CFAP299: variants seen among roughly 807,000 people sequenced by gnomAD.
The protein encoded by CFAP299 is cilia and flagella associated protein 299, also known as cilia- and flagella-associated protein 299.
CFAP299 carries 21 observed loss-of-function variants against 27.0 expected under a neutral mutation model. The observed-to-expected ratio is 0.78, with a 90% CI of 0.55 to 1.12. The LOEUF is 1.12. Among genes scored for constraint, CFAP299 ranks in the 50% most tolerant of loss-of-function variants. CFAP299 has a pLI of 0.00. For synonymous variants in CFAP299, 104 were observed against 98.1 expected, an observed-to-expected ratio of 1.06 and a Z score of -0.36; for missense variants, 310 against 276.6, an observed-to-expected ratio of 1.12 and a Z score of -0.86.
chr4:80,653,172 A>G (rs1022873512), intron 3 of CFAP299, among the ~76,000 whole-genome samples: 3 of 152,160 alleles, frequency 2.0e-5, no homozygotes, highest in African/African-American at 7.2e-5. Flanking sequence ...AACTGAATGC[A>G]TAGTTTTTCA....
At chr4:80,622,949 G>A (rs1738682719) in intron 3 of CFAP299, among the ~76,000 whole-genome samples, 1 of 152,178 alleles carries the variant, frequency 6.6e-6, no homozygotes, top group Non-Finnish European at 1.5e-5. Flanking sequence ...TGAGCTTGGG[G>A]CTATGGCTTT....
rs1725403399 is a variant in CFAP299 at position 80,758,926 on chromosome 4, CA to C, written c.334-111062del. 2.0e-5 allele frequency among the ~76,000 whole-genome samples: 3 copies of C among 151,980 alleles called. No individual in the cohort carries two copies. The South Asian group carries it at 6.2e-4, about 32-fold the overall frequency. Reference sequence around the variant, plus strand: ...AAATCCTCTAAATATTAAAATGGCACAAAAATATTATTGATGTTTTCATACT... The same window carrying C: ...AAATCCTCTAAATATTAAAATGGCACAAAATATTATTGATGTTTTCATACT... On this transcript the variant is annotated intron_variant, in intron 3 of 5. Coordinates refer to ENST00000358105, the MANE Select transcript of CFAP299 (RefSeq NM_152770.3).
intron 3 of CFAP299, among the ~76,000 whole-genome samples, chr4:80,657,959 A>C (rs561604491): frequency 6.3e-4 from 96 of 152,008 alleles, no homozygotes; most frequent in Non-Finnish European, 1.3e-3. Flanking sequence ...CCTTTGTAAG[A>C]TGTATGCCTA....
chr4:80,859,608 G>A lies in CFAP299; in HGVS notation c.334-10385G>A, dbSNP rs150380009. Among the ~76,000 whole-genome samples the A allele has an allele frequency of 4.6e-5, 7 of 151,870 alleles. No homozygotes were observed. In the East Asian group the frequency reaches 1.4e-3, roughly 29 times the overall value. On this transcript the variant is annotated intron_variant, in intron 3 of 5. Transcript: ENST00000358105. ...GGAACTCTTTTAGGGCAGGCCTGGT[G>A]GTGACAAATCTCTCAGCATTTGCTT... is the stretch of plus-strand genomic sequence containing the variant.
chr4:80,324,532 G>A, the CFAP299 span, among the ~76,000 whole-genome samples: 1 of 152,154 alleles, frequency 6.6e-6, no homozygotes, highest in Non-Finnish European at 1.5e-5. Context: ...TGATAGGCAT[G>A]CGTCTAGAGT....
intron 5 of CFAP299, among the ~76,000 whole-genome samples, chr4:80,952,888 C>T (rs1429118472): frequency 1.3e-5 from 2 of 152,062 alleles, no homozygotes; most frequent in Non-Finnish European, 2.9e-5. Flanking sequence ...TTTCCCTTGC[C>T]TCCCAGATCC....
intron 2 of CFAP299, among the ~76,000 whole-genome samples, chr4:80,518,462 C>T (rs975469149): frequency 1.3e-5 from 2 of 152,042 alleles, no homozygotes; most frequent in African/African-American, 4.8e-5. Flanking sequence ...TTGCGAGTTC[C>T]GTACAGGAGA....
Position 80,480,778 on chromosome 4 carries a change from T to C in CFAP299, c.243-102315T>C, listed in dbSNP as rs116078373. On this transcript the variant is annotated intron_variant, in intron 2 of 5. Coordinates refer to ENST00000358105, the MANE Select transcript of CFAP299 (RefSeq NM_152770.3). ...ATGTGTTGAAAAATTCCTGAAGTTC[T>C]GGTACTTGATTTTTTCTGATCATTT... 1.8e-3 allele frequency among the ~76,000 whole-genome samples: 276 copies of C among 152,162 alleles called. 1 individual carries two copies. The highest frequency in any genetic ancestry group is 3.3e-3 in the Non-Finnish European group (224 of 67,916).
At chr4:80,700,586 G>C (rs1721412660) in intron 3 of CFAP299, among the ~76,000 whole-genome samples, 1 of 152,084 alleles carries the variant, frequency 6.6e-6, no homozygotes, top group East Asian at 1.9e-4. Context: ...TGCGACACTG[G>C]CTAGAAGAAA....
intron 3 of CFAP299, among the ~76,000 whole-genome samples, chr4:80,594,630 C>T (rs536032892): frequency 6.6e-5 from 10 of 151,574 alleles, no homozygotes; most frequent in African/African-American, 2.4e-4. Context: ...ATCTTTGTAT[C>T]GCATTCTTAT....
intron 4 of CFAP299, chr4:80,871,447 A>C: frequency 1.0e-6 from 1 of 985,424 alleles, no homozygotes; most frequent in African/African-American, 1.7e-5. Context: ...TTGCTGTGCT[A>C]ATAACTTATG....
At chr4:80,623,447 G>A (rs1577945522) in intron 3 of CFAP299, among the ~76,000 whole-genome samples, 1 of 152,114 alleles carries the variant, frequency 6.6e-6, no homozygotes, top group East Asian at 1.9e-4. Context: ...GAACACGATG[G>A]CAAAGTAGAA....
At chr4:80,753,199 T>C (rs964963944) in intron 3 of CFAP299, among the ~76,000 whole-genome samples, 9 of 151,930 alleles carry the variant, frequency 5.9e-5, no homozygotes, top group African/African-American at 1.9e-4. Flanking sequence ...AATGTCTCTA[T>C]TTATTTTTGT....
rs148608938 is a variant in CFAP299 at position 80,711,690 on chromosome 4, C to A, written c.333+128507C>A. Reference sequence around the variant, plus strand: ...ACTGGAACCAAGACTGACATTCTTTCTGTTACACCATACTTTGTTATGCTA... The same window carrying A: ...ACTGGAACCAAGACTGACATTCTTTATGTTACACCATACTTTGTTATGCTA... On this transcript the variant is annotated intron_variant, in intron 3 of 5. Transcript: ENST00000358105. Among the ~76,000 whole-genome samples the A allele has an allele frequency of 9.4e-3, 1,435 of 152,292 alleles. 18 individuals carry two copies. Among genetic ancestry groups the A allele is most frequent in the South Asian group, 0.062 (297 of 4,822 alleles).
At chr4:80,665,412 G>A (rs1741098830) in intron 3 of CFAP299, among the ~76,000 whole-genome samples, 1 of 151,760 alleles carries the variant, frequency 6.6e-6, no homozygotes, top group Non-Finnish European at 1.5e-5. Flanking sequence ...CTATTGTTAG[G>A]ACAGTACTAA....
chr4:80,622,325 C>T (rs1449120998), intron 3 of CFAP299, among the ~76,000 whole-genome samples: 1 of 152,054 alleles, frequency 6.6e-6, no homozygotes, highest in East Asian at 1.9e-4. Flanking sequence ...AATGCAGAGA[C>T]ATTTTATTTT....
At chr4:80,892,731 C>G (rs1037229373) in intron 4 of CFAP299, among the ~76,000 whole-genome samples, 1 of 151,980 alleles carries the variant, frequency 6.6e-6, no homozygotes, top group Non-Finnish European at 1.5e-5. Flanking sequence ...GAATATATCT[C>G]AACATAATAA....
At chr4:80,592,599 G>A (rs1736841845) in intron 3 of CFAP299, among the ~76,000 whole-genome samples, 1 of 152,148 alleles carries the variant, frequency 6.6e-6, no homozygotes, top group Admixed American at 6.5e-5. Context: ...CAGTTGTCAG[G>A]AAAGATGTTG....
chr4:80,914,567 A>T (rs1735651765), intron 4 of CFAP299, among the ~76,000 whole-genome samples: 1 of 152,212 alleles, frequency 6.6e-6, no homozygotes. Flanking sequence ...ACGCCTCCCC[A>T]TATTGAGAAC....
Sources: allele counts gnomAD v4.1 joint callset (sites outside exome capture counted in the v4.1 genomes callset), GRCh38; gene constraint gnomAD v4.1.1; transcripts MANE v1.5; gene names NCBI Gene and HGNC (gene_info 2026-07-23, HGNC 2026-07-21).